Variants in ZNF516 observed in about 807,000 individuals in gnomAD.
The protein encoded by ZNF516 is zinc finger protein 516.
ZNF516 carries 19 observed loss-of-function variants against 79.7 expected under a neutral mutation model. The ratio of observed to expected loss-of-function variants is 0.24; its 90% CI spans 0.17 to 0.35. The LOEUF (loss-of-function observed/expected upper bound fraction) is 0.35, where lower values mean the gene tolerates loss of function less well. Among genes scored for constraint, ZNF516 ranks in the 10% least tolerant of loss-of-function variants. The probability of loss-of-function intolerance (pLI) is 1.00; values close to 1 mark genes in which losing one functional copy is unlikely to be tolerated. For missense variants in ZNF516, 1,678 were observed against 1,679.5 expected (o/e 1.00, Z 0.02); for synonymous variants, 877 against 739.5 (o/e 1.19, Z -3.02).
chr18:76,396,901 G>GA (rs1392641471), intron 3 of ZNF516, among the ~76,000 whole-genome samples: 3 of 152,162 alleles, frequency 2.0e-5, no homozygotes, highest in East Asian at 1.9e-4. Flanking sequence ...GCTTTTCCAT[G>GA]AAAAAACAAG....
intron 3 of ZNF516, among the ~76,000 whole-genome samples, chr18:76,440,664 A>C (rs1282615423): frequency 6.6e-6 from 1 of 152,220 alleles, no homozygotes; most frequent in Non-Finnish European, 1.5e-5. Context: ...GAATCCAAGA[A>C]GATTAATTAT....
Position 76,459,959 on chromosome 18 carries a change from T to C in ZNF516, c.-158+3069A>G, listed in dbSNP as rs1051276728. Among the ~76,000 whole-genome samples the C allele has an allele frequency of 1.0e-3, 156 of 152,302 alleles. No individual in the cohort carries two copies. Among genetic ancestry groups the C allele is most frequent in the African/African-American group, 2.2e-3 (91 of 41,574 alleles). On this transcript the variant is annotated intron_variant, in intron 2 of 6. Transcript: ENST00000443185. The surrounding 1 kb of genome is among the most constrained non-coding windows in gnomAD (Gnocchi z 5.0). ...CTCACCAGTCCCAAATAATGAATCA[T>C]GTCCACTGCACTAGAATGCAGTCTT... is the stretch of plus-strand genomic sequence containing the variant.
chr18:76,419,650 G>A (rs553278053), intron 3 of ZNF516, among the ~76,000 whole-genome samples: 3 of 152,218 alleles, frequency 2.0e-5, no homozygotes, highest in East Asian at 3.9e-4. Flanking sequence ...AAGACCTGAC[G>A]GTTTGATAAA....
At position 76,362,355 on chromosome 18, in the gene ZNF516, C is replaced by T; in HGVS notation, c.*143G>A. ...TTCAGTTTCCACTCCAGCGCAGCGG[C>T]TCGGGATGTGAGGTGTCTGCTCAGG... On this transcript the variant is annotated 3_prime_UTR_variant, in exon 7 of 7. Coordinates refer to ENST00000443185, the MANE Select transcript of ZNF516 (RefSeq NM_014643.4). 1.5e-6 allele frequency: 1 copy of T among 667,242 alleles called. No homozygotes were observed. The allele number at this position is 667,242 out of a possible 1,614,324, so 41.3% of individuals were successfully genotyped here. A position where few individuals can be genotyped will look rare whatever the true frequency, so the allele number is the denominator to read the frequency against.
intron 3 of ZNF516, among the ~76,000 whole-genome samples, chr18:76,423,661 GC>G: frequency 8.3e-6 from 1 of 120,094 alleles, no homozygotes; most frequent in Non-Finnish European, 1.7e-5. Flanking sequence ...AGGTGAAAAG[GC>G]TCCCTCCTGA....
intron 1 of ZNF516, among the ~76,000 whole-genome samples, chr18:76,480,486 T>TATAC (rs201871218): frequency 0.013 from 1,737 of 132,432 alleles, 15 homozygotes; most frequent in South Asian, 0.044. Flanking sequence ...CACACACACA[T>TATAC]ATACACATAC....
intron 1 of ZNF516, among the ~76,000 whole-genome samples, chr18:76,494,929 G>A (rs1915419512): frequency 6.7e-6 from 1 of 149,792 alleles, no homozygotes; most frequent in Admixed American, 6.6e-5. Context: ...CCCTATCCTG[G>A]AATTGACGAG....
chr18:76,419,286 G>A (rs1018006432), intron 3 of ZNF516, among the ~76,000 whole-genome samples: 3 of 152,200 alleles, frequency 2.0e-5, no homozygotes, highest in Non-Finnish European at 4.4e-5. Flanking sequence ...TTAGGTGTAT[G>A]TGTGTACACT....
intron 2 of ZNF516, among the ~76,000 whole-genome samples, chr18:76,444,055 T>G (rs1439742942): frequency 6.6e-6 from 1 of 152,114 alleles, no homozygotes; most frequent in Non-Finnish European, 1.5e-5. Flanking sequence ...GAGGGACGCA[T>G]GAATCAAAAT....
In ZNF516 at chr18:76,442,704, G is replaced by T. The variant is rs1198022340; in HGVS notation, c.351C>A (p.Pro117=). ...ASEGLDACAS[P]TKSASACNRL... ...GGTTGCAGGCCGAGGCGCTCTTGGT[G>T]GGGCTGGCGCAGGCGTCCAGGCCCT... Residue 117 remains proline, a synonymous_variant, in exon 3 of 7, where the codon CCC becomes CCA. Coordinates refer to ENST00000443185, the MANE Select transcript of ZNF516 (RefSeq NM_014643.4). 6.3e-7 allele frequency: 1 copy of T among 1,582,556 alleles called. No homozygotes were observed. Among genetic ancestry groups the T allele is most frequent in the Non-Finnish European group, 8.6e-7 (1 of 1,165,668 alleles).
intron 2 of ZNF516, among the ~76,000 whole-genome samples, chr18:76,454,348 G>C (rs552710842): frequency 6.6e-6 from 1 of 152,218 alleles, no homozygotes; most frequent in Non-Finnish European, 1.5e-5. Flanking sequence ...GCTGAAAGGC[G>C]TATTGTGCAA....
intron 3 of ZNF516, among the ~76,000 whole-genome samples, chr18:76,425,845 C>A (rs953035477): frequency 2.0e-5 from 3 of 152,164 alleles, no homozygotes; most frequent in Non-Finnish European, 4.4e-5. Flanking sequence ...AGCAGAGCCT[C>A]GACACAGAAA....
rs1250245889 is a variant in ZNF516, at chr18:76,451,180, C to G, written c.-157-7969G>C. Among the ~76,000 whole-genome samples the G allele has an allele frequency of 6.6e-6, 1 of 152,198 alleles. No individual in the cohort carries two copies. Among genetic ancestry groups the G allele is most frequent in the African/African-American group, 2.4e-5 (1 of 41,446 alleles). The stretch of plus-strand genomic sequence containing the variant: ...TGGGTGCTGCTTTCCAAATGCCTAT[C>G]TAGCTTGGCATTTTTTTCAGTTCTG... On this transcript the variant is annotated intron_variant, in intron 2 of 6. Coordinates refer to ENST00000443185, the MANE Select transcript of ZNF516 (RefSeq NM_014643.4). This position sits in a 1 kb window ranked among gnomAD's most constrained non-coding sequence, Gnocchi z 6.0.
chr18:76,373,210 A>G (rs534478301), intron 4 of ZNF516, among the ~76,000 whole-genome samples: 1 of 149,830 alleles, frequency 6.7e-6, no homozygotes. Context: ...AGAAGCAAAG[A>G]GAAGAAGAAA....
At chr18:76,496,133 G>T (rs1915470493), upstream of ZNF516, 1 of 526,788 alleles carries the variant, frequency 1.9e-6, no homozygotes, top group South Asian at 1.9e-5. Flanking sequence ...GGCAGGGATG[G>T]CCGGGGTGGG....
chr18:76,489,266 T>C (rs1952993117), intron 1 of ZNF516, among the ~76,000 whole-genome samples: 1 of 152,212 alleles, frequency 6.6e-6, no homozygotes, highest in Admixed American at 6.5e-5. Context: ...AATCCATGAC[T>C]AAACTCTACG....
chr18:76,434,004 G>A (rs995080985), intron 3 of ZNF516, among the ~76,000 whole-genome samples: 1 of 151,974 alleles, frequency 6.6e-6, no homozygotes, highest in African/African-American at 2.4e-5. Flanking sequence ...CCAAGCCCTC[G>A]GCAACGCCTT....
chr18:76,399,737 A>G (rs556116180), intron 3 of ZNF516, among the ~76,000 whole-genome samples: 3 of 152,126 alleles, frequency 2.0e-5, no homozygotes, highest in African/African-American at 4.8e-5. Context: ...CTGATACTGT[A>G]TAAGTCGGGA....
intron 3 of ZNF516, among the ~76,000 whole-genome samples, chr18:76,440,749 T>C (rs2075804868): frequency 6.7e-6 from 1 of 148,558 alleles, no homozygotes; most frequent in African/African-American, 2.6e-5. Context: ...TGTTTGTGTG[T>C]GTGTGTGTGT....
Sources: allele counts gnomAD v4.1 joint callset (sites outside exome capture counted in the v4.1 genomes callset), GRCh38; gene constraint gnomAD v4.1.1; non-coding constraint Gnocchi (gnomAD v3.1); transcripts MANE v1.5; gene names NCBI Gene and HGNC (gene_info 2026-07-23, HGNC 2026-07-21).